The following DNAAF5 variants were observed in gnomAD, a reference collection of about 807,000 sequenced individuals.
The protein encoded by DNAAF5 is HEAT repeat containing 2.
Under a neutral mutation model 75.8 loss-of-function variants are expected in DNAAF5, and 64 were observed. The observed-to-expected ratio is 0.84, with a 90% CI of 0.69 to 1.04. DNAAF5 has a LOEUF of 1.04. DNAAF5 is among the 50% of genes least tolerant of loss of function. DNAAF5 has a pLI of 0.00. For missense variants in DNAAF5, 1,269 were observed against 1,178.5 expected, an observed-to-expected ratio of 1.08 and a Z score of -1.12; for synonymous variants, 657 against 557.2, an observed-to-expected ratio of 1.18 and a Z score of -2.52.
chr7:785,743 C>T lies in DNAAF5; in HGVS notation c.*90C>T. On this transcript the variant is annotated 3_prime_UTR_variant, in exon 13 of 13. Coordinates refer to ENST00000297440, the MANE Select transcript of DNAAF5 (RefSeq NM_017802.4). ...TCTCATAAACAAGGCACCTCTGTGC[C>T]AGCAGTGAGACTGTGACAGCAAGAA... is the stretch of plus-strand genomic sequence containing the variant. 6.8e-7 allele frequency: 1 copy of T among 1,465,690 alleles called. No homozygotes were observed. Among genetic ancestry groups the T allele is most frequent in the East Asian group, 2.3e-5 (1 of 42,644 alleles). The allele number at this position is 1,465,690 out of a possible 1,614,324, so 90.8% of individuals were successfully genotyped here.
At position 775,117 on chromosome 7, in the gene DNAAF5, T is replaced by C. The variant is rs1207212294; in HGVS notation, c.2194T>C (p.Ser732Pro). Residue 732 changes from serine (S) to proline (P), a missense_variant, in exon 11 of 13, where the codon TCG becomes CCG. By Grantham distance (74) the Ser-to-Pro change is moderately conservative. Transcript: ENST00000297440. The stretch of plus-strand genomic sequence containing the variant: ...TATTATCAACACGTTCTTAAAAACC[T>C]CGGGCGGCATGACGGATCCAGAGAA... ...CRIINTFLKT[S>P]GGMTDPEKLI... 6.2e-7 allele frequency: 1 copy of C among 1,614,100 alleles called. No individual in the cohort carries two copies. Among genetic ancestry groups the C allele is most frequent in the Non-Finnish European group, 8.5e-7 (1 of 1,180,024 alleles).
chr7:754,466 A>T lies in DNAAF5; in HGVS notation c.1025-123A>T. 1 of 835,086 alleles carries T rather than the reference A, an allele frequency of 1.2e-6. No individual in the cohort carries two copies. The highest frequency in any genetic ancestry group is 2.0e-6 in the Non-Finnish European group (1 of 499,800). 51.7% of individuals were successfully genotyped at this position (835,086 alleles called of 1,614,324 possible). ...ATTTGTCAGCTTTGCGTCCACCCCA[A>T]GACTTGTTTTGAAATGGTGAGGTTG... On this transcript the variant is annotated intron_variant, in intron 4 of 12. Transcript: ENST00000297440. The surrounding 1 kb of genome is among the most constrained non-coding windows in gnomAD (Gnocchi z 4.8).
intron 4 of DNAAF5, among the ~76,000 whole-genome samples, chr7:741,763 C>G (rs1198223324): frequency 1.3e-5 from 2 of 152,188 alleles, no homozygotes; most frequent in African/African-American, 2.4e-5. Context: ...CAGATGGTGT[C>G]CGCCCCCCTC....
In DNAAF5 at chr7:786,441, A is replaced by G. The variant is rs1779152070; in HGVS notation, c.*788A>G. The G allele has an allele frequency of 6.6e-6, 1 of 152,250 alleles. No individual in the cohort carries two copies. The highest frequency in any genetic ancestry group is 6.5e-5 in the Admixed American group (1 of 15,290). 9.4% of individuals were successfully genotyped at this position (152,250 alleles called of 1,614,324 possible). A position where few individuals can be genotyped will look rare whatever the true frequency, so the allele number is the denominator to read the frequency against. On this transcript the variant is annotated 3_prime_UTR_variant, in exon 13 of 13. Transcript: ENST00000297440. ...AACAAATATTAACGTTTATACTTTC[A>G]TGTTTGAAAATTTAATTAAAAATGT...
At chr7:769,842 T>C (rs1394333202) in intron 8 of DNAAF5, among the ~76,000 whole-genome samples, 1 of 152,226 alleles carries the variant, frequency 6.6e-6, no homozygotes, top group African/African-American at 2.4e-5. Context: ...TTTTTCTCCA[T>C]GTTGGTCAGG....
intron 11 of DNAAF5, among the ~76,000 whole-genome samples, chr7:778,953 C>G (rs1352749916): frequency 6.6e-6 from 1 of 152,280 alleles, no homozygotes; most frequent in African/African-American, 2.4e-5. Flanking sequence ...GGATGTGCTC[C>G]GTGGCTTCCT....
chr7:728,321 T>C (rs948201072), intron 1 of DNAAF5, among the ~76,000 whole-genome samples: 19 of 152,326 alleles, frequency 1.2e-4, no homozygotes, highest in African/African-American at 4.1e-4. Flanking sequence ...GTGAGGGATC[T>C]GGCCAGCTCA....
At chr7:760,732 G>T (rs1782618591) in intron 6 of DNAAF5, among the ~76,000 whole-genome samples, 1 of 152,254 alleles carries the variant, frequency 6.6e-6, no homozygotes, top group African/African-American at 2.4e-5. Context: ...CACGCCTGCT[G>T]TGTTGCGGGC....
At chr7:761,517 G>A (rs1011210709) in intron 6 of DNAAF5, among the ~76,000 whole-genome samples, 1 of 152,246 alleles carries the variant, frequency 6.6e-6, no homozygotes, top group East Asian at 1.9e-4. Context: ...CACGTCTTAC[G>A]TGGCGGCAGG....
chr7:746,726 C>A (rs927119061), intron 4 of DNAAF5, among the ~76,000 whole-genome samples: 4 of 152,050 alleles, frequency 2.6e-5, no homozygotes, highest in African/African-American at 7.2e-5. Flanking sequence ...GCCCTTCCCC[C>A]GGGACCACGC....
At position 727,326 on chromosome 7, in the gene DNAAF5, C is replaced by G. The variant is rs1423435195; in HGVS notation, c.595+11C>G. ...CGCAGGCCACGCCCGGTGAGCACCC[C>G]GGGCCCCGCTCCCACACGCCACCCC... is the stretch of plus-strand genomic sequence containing the variant. On this transcript the variant is annotated intron_variant, in intron 1 of 12. Coordinates refer to ENST00000297440, the MANE Select transcript of DNAAF5 (RefSeq NM_017802.4). 3 of 1,261,048 alleles carry G rather than the reference C, an allele frequency of 2.4e-6. No homozygotes were observed. The highest frequency in any genetic ancestry group is 3.0e-6 in the Non-Finnish European group (3 of 1,001,624). The allele number at this position is 1,261,048 out of a possible 1,614,324, so 78.1% of individuals were successfully genotyped here.
chr7:771,460 A>G (rs1461158417), intron 9 of DNAAF5: 1 of 152,382 alleles, frequency 6.6e-6, no homozygotes, highest in Non-Finnish European at 1.5e-5. Flanking sequence ...CCAGCAGCAC[A>G]TCTGTCAAAG....
intron 2 of DNAAF5, among the ~76,000 whole-genome samples, chr7:740,022 C>T (rs1481670662): frequency 1.3e-5 from 2 of 151,982 alleles, no homozygotes; most frequent in African/African-American, 4.8e-5. Context: ...ACTGATGGCA[C>T]CACGGAGTCG....
intron 2 of DNAAF5, 77 bp from the exon 3 acceptor site, chr7:740,742 C>G: frequency 6.3e-7 from 1 of 1,580,004 alleles, no homozygotes. Context: ...TATGGCAGCA[C>G]TCAGAGCCGC....
At chr7:784,900 C>T (rs1039516634) in intron 12 of DNAAF5, among the ~76,000 whole-genome samples, 4 of 152,174 alleles carry the variant, frequency 2.6e-5, no homozygotes, top group African/African-American at 9.7e-5. Flanking sequence ...TTTGAATGCA[C>T]GTTGTGACTG....
rs371723696 is a variant in DNAAF5 at position 774,910 on chromosome 7, C to G, written c.2083-96C>G. 22 of 1,070,744 alleles carry G rather than the reference C, an allele frequency of 2.1e-5. 1 individual carries two copies. Among genetic ancestry groups the G allele is most frequent in the East Asian group, 1.4e-4 (6 of 42,018 alleles). 66.3% of individuals were successfully genotyped at this position (1,070,744 alleles called of 1,614,324 possible). On this transcript the variant is annotated intron_variant, in intron 10 of 12. Coordinates refer to ENST00000297440, the MANE Select transcript of DNAAF5 (RefSeq NM_017802.4). ...CTTTTTAGGTAAAGCTTTCAAGCCCCCTAAGTCCTTCCAGGCAGGAGTGCA... is the reference window on the plus strand; with the variant it reads ...CTTTTTAGGTAAAGCTTTCAAGCCCGCTAAGTCCTTCCAGGCAGGAGTGCA...
At chr7:752,838 A>C (rs923903921) in intron 4 of DNAAF5, among the ~76,000 whole-genome samples, 3 of 152,252 alleles carry the variant, frequency 2.0e-5, no homozygotes, top group Non-Finnish European at 4.4e-5. Context: ...TTATCTCCAG[A>C]GTATAGGAAG....
intron 1 of DNAAF5, among the ~76,000 whole-genome samples, chr7:729,233 G>C (rs1781479284): frequency 6.6e-6 from 1 of 152,178 alleles, no homozygotes; most frequent in African/African-American, 2.4e-5. Flanking sequence ...CAGCTTCCTG[G>C]AGGAGCCTGG....
chr7:741,197 A>C (rs1014120977), intron 3 of DNAAF5, 150 bp from the exon 4 acceptor site: 1 of 688,230 alleles, frequency 1.5e-6, no homozygotes, highest in Non-Finnish European at 2.5e-6. Context: ...CACAAGATGA[A>C]GTGGAATTTC....
Sources: gnomAD v4.1 joint callset for allele counts (sites outside exome capture counted in the v4.1 genomes callset) on GRCh38, gnomAD v4.1.1 for gene constraint, Gnocchi (gnomAD v3.1) non-coding constraint, MANE v1.5 for transcripts, NCBI Gene and HGNC (gene_info 2026-07-23, HGNC 2026-07-21) for gene names.